Variants in NRIP1 observed in about 807,000 individuals in gnomAD.
NRIP1 encodes nuclear receptor interacting protein 1.
In NRIP1, 28 loss-of-function variants were observed where a neutral mutation model predicts 75.0. The ratio of observed to expected loss-of-function variants is 0.37; its 90% CI spans 0.28 to 0.51. The LOEUF (loss-of-function observed/expected upper bound fraction) is 0.51. Ranked by LOEUF, NRIP1 falls within the 20% of genes least tolerant of loss-of-function variation. NRIP1 has a pLI of 0.92. For missense variants in NRIP1, 1,435 were observed against 1,343.7 expected, an observed-to-expected ratio of 1.07 and a Z score of -1.06; for synonymous variants, 526 against 487.6, an observed-to-expected ratio of 1.08 and a Z score of -1.04.
At chr21:15,017,586 G>A (rs1191144174) in intron 2 of NRIP1, among the ~76,000 whole-genome samples, 1 of 152,104 alleles carries the variant, frequency 6.6e-6, no homozygotes, top group Non-Finnish European at 1.5e-5. Flanking sequence ...TTGTAGATGA[G>A]GAAACTGGGT....
intron 2 of NRIP1, among the ~76,000 whole-genome samples, chr21:15,033,394 CAATAGTAAGT>C (rs2088757139): frequency 6.6e-6 from 1 of 152,030 alleles, no homozygotes; most frequent in South Asian, 2.1e-4. Flanking sequence ...CCACAGTCAA[CAATAGTAAGT>C]AAGTGGCAGA....
chr21:15,050,586 GAAGA>G (rs1330575810), intron 1 of NRIP1: 1 of 367,266 alleles, frequency 2.7e-6, no homozygotes, highest in Admixed American at 3.5e-5. Context: ...AACTTTCAAT[GAAGA>G]AAGAAATAGG....
intron 2 of NRIP1, among the ~76,000 whole-genome samples, chr21:15,016,570 A>G (rs2147185111): frequency 6.6e-6 from 1 of 152,308 alleles, no homozygotes; most frequent in East Asian, 1.9e-4. Context: ...AAGTTGGAAC[A>G]AGAAAGTACC....
chr21:15,024,795 A>G (rs1480032288), intron 2 of NRIP1, among the ~76,000 whole-genome samples: 1 of 152,150 alleles, frequency 6.6e-6, no homozygotes, highest in East Asian at 1.9e-4. Flanking sequence ...TTATTTTAAA[A>G]TTTTAAAAAA....
chr21:14,962,015 T>TTTTA lies in NRIP1; in HGVS notation c.*2700_*2701insTAAA, dbSNP rs1311534629. 1.4e-5 allele frequency: 2 copies of TTTTA among 140,512 alleles called. No individual in the cohort carries two copies. The highest frequency in any genetic ancestry group is 3.1e-5 in the Non-Finnish European group (2 of 64,738). The allele number at this position is 140,512 out of a possible 1,614,324, so 8.7% of individuals were successfully genotyped here. On this transcript the variant is annotated 3_prime_UTR_variant, in exon 4 of 4. Coordinates refer to ENST00000318948, the MANE Select transcript of NRIP1 (RefSeq NM_003489.4). ...AAGTCAATATATATATATATACATA[T>TTTTA]TATATATATATATATATATATATAT...
chr21:15,009,597 GA>G (rs1420357913), intron 3 of NRIP1, among the ~76,000 whole-genome samples: 4 of 152,186 alleles, frequency 2.6e-5, no homozygotes, highest in Non-Finnish European at 5.9e-5. Context: ...TTCTCAATTA[GA>G]AAAGAAGCTT....
At chr21:15,015,399 C>A (rs1039555791) in intron 2 of NRIP1, among the ~76,000 whole-genome samples, 1 of 151,950 alleles carries the variant, frequency 6.6e-6, no homozygotes, top group African/African-American at 2.4e-5. Context: ...AATTATACCT[C>A]GATAAAACTG....
intron 3 of NRIP1, among the ~76,000 whole-genome samples, chr21:14,982,587 CTG>C (rs146083708): frequency 0.02 from 3,104 of 152,288 alleles, 83 homozygotes; most frequent in African/African-American, 0.059. Context: ...TTGTTCCTCT[CTG>C]TGACTCCACG....
At chr21:15,030,240 T>C (rs2088612568) in intron 2 of NRIP1, among the ~76,000 whole-genome samples, 4 of 152,248 alleles carry the variant, frequency 2.6e-5, no homozygotes, top group Admixed American at 1.3e-4. Flanking sequence ...TGACAATTCA[T>C]TAACTGCCAA....
chr21:15,050,558 A>G (rs2823024), intron 1 of NRIP1: 73,425 of 361,736 alleles, frequency 0.2, 8,452 homozygotes, highest in African/African-American at 0.35. Flanking sequence ...GAACTATACT[A>G]ATGGCATCGC....
intron 1 of NRIP1, among the ~76,000 whole-genome samples, chr21:15,056,982 C>T (rs2147400854): frequency 6.6e-6 from 1 of 152,164 alleles, no homozygotes; most frequent in African/African-American, 2.4e-5. Flanking sequence ...CACAAAGCTC[C>T]CCCACTCAAC....
At position 14,962,863 on chromosome 21, in the gene NRIP1, C is replaced by T. The variant is rs751857740; in HGVS notation, c.*1853G>A. 1 of 152,310 alleles carries T rather than the reference C, an allele frequency of 6.6e-6. No individual in the cohort carries two copies. Among genetic ancestry groups the T allele is most frequent in the Non-Finnish European group, 1.5e-5 (1 of 67,902 alleles). The allele number at this position is 152,310 out of a possible 1,614,324, so 9.4% of individuals were successfully genotyped here. A position where few individuals can be genotyped will look rare whatever the true frequency, so the allele number is the denominator to read the frequency against. The stretch of plus-strand genomic sequence containing the variant: ...ATTTTTAATATAAAAATCTTAGAAA[C>T]CACTTCAAGTAGAACAATTTTAAAT... On this transcript the variant is annotated 3_prime_UTR_variant, in exon 4 of 4. Transcript: ENST00000318948.
intron 3 of NRIP1, among the ~76,000 whole-genome samples, chr21:14,970,546 AAAAC>A (rs1249219246): frequency 6.6e-6 from 1 of 152,196 alleles, no homozygotes; most frequent in African/African-American, 2.4e-5. Flanking sequence ...ACTCTATCTC[AAAAC>A]AAACAAAACA....
intron 1 of NRIP1, among the ~76,000 whole-genome samples, chr21:15,043,919 A>G (rs986297274): frequency 3.9e-5 from 6 of 152,096 alleles, no homozygotes; most frequent in Admixed American, 3.3e-4. Flanking sequence ...TCCAGGTCCA[A>G]GCGATTCTCC....
rs1158638407 is a variant in NRIP1, at chr21:14,962,539, T to A, written c.*2177A>T. The A allele has an allele frequency of 6.6e-6, 1 of 152,400 alleles. No individual in the cohort carries two copies. Among genetic ancestry groups the A allele is most frequent in the Non-Finnish European group, 1.5e-5 (1 of 67,910 alleles). 9.4% of individuals were successfully genotyped at this position (152,400 alleles called of 1,614,324 possible). On this transcript the variant is annotated 3_prime_UTR_variant, in exon 4 of 4. Coordinates refer to ENST00000318948, the MANE Select transcript of NRIP1 (RefSeq NM_003489.4). ...CCCTACCCAAGGGAGAATACCAACA[T>A]ATTTTTTCTGACATACCTCTAAGGC...
chr21:15,047,400 C>T (rs1055659795), intron 1 of NRIP1, among the ~76,000 whole-genome samples: 1 of 152,082 alleles, frequency 6.6e-6, no homozygotes, highest in African/African-American at 2.4e-5. Flanking sequence ...ATTAGCCAGG[C>T]GTGGTGGCGG....
At chr21:15,062,360 T>C (rs1978373400) in intron 1 of NRIP1, among the ~76,000 whole-genome samples, 1 of 152,266 alleles carries the variant, frequency 6.6e-6, no homozygotes, top group South Asian at 2.1e-4. Flanking sequence ...TCTGTAGTTG[T>C]AATGCTCTCC....
intron 3 of NRIP1, among the ~76,000 whole-genome samples, chr21:15,013,988 T>G (rs1180690403): frequency 6.6e-6 from 1 of 152,208 alleles, no homozygotes; most frequent in African/African-American, 2.4e-5. Flanking sequence ...GAATTAAGTG[T>G]TGTCAACAAA....
At chr21:14,994,402 T>C (rs1428374103) in intron 3 of NRIP1, among the ~76,000 whole-genome samples, 3 of 152,082 alleles carry the variant, frequency 2.0e-5, no homozygotes, top group Admixed American at 1.3e-4. Context: ...TGGGATTACA[T>C]GCAAATTGCA....
Sources: allele counts gnomAD v4.1 joint callset (sites outside exome capture counted in the v4.1 genomes callset), GRCh38; gene constraint gnomAD v4.1.1; transcripts MANE v1.5; gene names NCBI Gene and HGNC (gene_info 2026-07-23, HGNC 2026-07-21).